Variants in VNN1 observed in about 807,000 individuals in gnomAD.
VNN1 encodes the protein pantetheinase.
VNN1 carries 29 observed loss-of-function variants against 41.9 expected under a neutral mutation model. The observed-to-expected ratio is 0.69, with a 90% CI of 0.52 to 0.94. The LOEUF (loss-of-function observed/expected upper bound fraction) is 0.94. Ranked by LOEUF, VNN1 falls within the 40% of genes least tolerant of loss-of-function variation. VNN1 has a pLI of 0.00. For missense variants in VNN1, 637 were observed against 621.1 expected (o/e 1.03, Z -0.27); for synonymous variants, 233 against 224.4 (o/e 1.04, Z -0.34).
At chr6:132,696,966 G>A (rs1048585337) in intron 2 of VNN1, among the ~76,000 whole-genome samples, 5 of 152,040 alleles carry the variant, frequency 3.3e-5, no homozygotes, top group Non-Finnish European at 7.4e-5. Flanking sequence ...TTAGCCAGGC[G>A]TGGTGGCAGG....
At chr6:132,702,013 A>G (rs1176019474) in intron 2 of VNN1, among the ~76,000 whole-genome samples, 2 of 152,242 alleles carry the variant, frequency 1.3e-5, no homozygotes, top group Non-Finnish European at 2.9e-5. Context: ...CCTGAGTTCT[A>G]CCAAGGATCA....
chr6:132,691,107 T>G (rs1318627250), intron 5 of VNN1, among the ~76,000 whole-genome samples: 1 of 152,208 alleles, frequency 6.6e-6, no homozygotes, highest in Non-Finnish European at 1.5e-5. Context: ...AGGATATTTG[T>G]AAGTAGAAGT....
At chr6:132,705,444 C>A (rs1778506075) in intron 2 of VNN1, among the ~76,000 whole-genome samples, 1 of 152,126 alleles carries the variant, frequency 6.6e-6, no homozygotes, top group Admixed American at 6.6e-5. Flanking sequence ...TCAATTGACA[C>A]TGAAAAAATA....
Position 132,693,073 on chromosome 6 carries a change from C to A in VNN1, c.777G>T (p.Arg259Ser). The A allele has an allele frequency of 6.2e-7, 1 of 1,613,540 alleles. No homozygotes were observed. Among genetic ancestry groups the A allele is most frequent in the Non-Finnish European group, 8.5e-7 (1 of 1,179,816 alleles). The change falls in exon 4 of 7, where the codon AGG (arginine) becomes AGT (serine). Residue 259 changes from arginine (R) to serine (S), a missense_variant. Coordinates refer to ENST00000367928, the MANE Select transcript of VNN1 (RefSeq NM_004666.3). ...GTATGTTGGATGCAAGGAAATTGAC[C>A]CTCATGCCCATAGCCCAAGCTGAGT... The part of the protein sequence containing the change: ...EFHSAWAMGM[R>S]VNFLASNIHY...
intron 1 of VNN1, among the ~76,000 whole-genome samples, chr6:132,712,630 C>T (rs1778620446): frequency 6.6e-6 from 1 of 152,042 alleles, no homozygotes; most frequent in Non-Finnish European, 1.5e-5. Flanking sequence ...CCTAGCTTTC[C>T]CCTGCAAACA....
chr6:132,687,353 T>C (rs960538319), intron 5 of VNN1, among the ~76,000 whole-genome samples: 3 of 152,290 alleles, frequency 2.0e-5, no homozygotes, highest in African/African-American at 7.2e-5. Flanking sequence ...TGCATCCCGA[T>C]CACTCTCTTT....
intron 5 of VNN1, 127 bp downstream of exon 5, chr6:132,692,096 T>A (rs1004496070): frequency 1.8e-6 from 2 of 1,101,058 alleles, no homozygotes; most frequent in Admixed American, 6.9e-5. Flanking sequence ...ACAAAATTTT[T>A]AGCATACATA....
intron 3 of VNN1, 118 bp downstream of exon 3, chr6:132,693,872 G>T: frequency 3.4e-6 from 4 of 1,185,490 alleles, no homozygotes; most frequent in African/African-American, 1.5e-5. Context: ...TACTTTCTAT[G>T]CTTTGCCCCT....
intron 2 of VNN1, among the ~76,000 whole-genome samples, chr6:132,694,700 A>G (rs75679759): frequency 1.6e-5 from 2 of 127,430 alleles, no homozygotes; most frequent in South Asian, 2.8e-4. Flanking sequence ...ACAAAAAATG[A>G]AAAAAAAAAA....
At chr6:132,703,150 A>G (rs182927075) in intron 2 of VNN1, among the ~76,000 whole-genome samples, 102 of 152,334 alleles carry the variant, frequency 6.7e-4, no homozygotes, top group African/African-American at 2.4e-3. Flanking sequence ...TTCTCTTATA[A>G]GAAATGCTAA....
At position 132,681,848 on chromosome 6, in the gene VNN1, G is replaced by A. The variant is rs557164732; in HGVS notation, c.*1292C>T. On this transcript the variant is annotated 3_prime_UTR_variant, in exon 7 of 7. Transcript: ENST00000367928. The stretch of plus-strand genomic sequence containing the variant: ...TAGGAAAAACATCTGCCACAAAAAT[G>A]TTTGTCTCAAAATGATGTTTTGCTG... 1 of 152,744 alleles carries A rather than the reference G, an allele frequency of 6.5e-6. No individual in the cohort carries two copies. The highest frequency in any genetic ancestry group is 2.1e-4 in the South Asian group (1 of 4,822). 9.5% of individuals were successfully genotyped at this position (152,744 alleles called of 1,614,324 possible).
intron 5 of VNN1, 29 bp downstream of exon 5, chr6:132,692,194 C>T: frequency 1.3e-6 from 2 of 1,511,600 alleles, no homozygotes; most frequent in East Asian, 2.3e-5. Flanking sequence ...TTATTTTATC[C>T]AGTAACTCTT....
Position 132,689,417 on chromosome 6 carries a change from A to C in VNN1, c.1188+2806T>G, listed in dbSNP as rs558638888. Reference sequence around the variant, plus strand: ...TCACTTCCCTTTGACTTTTCAACCCAATATAATCTGCCCATCATCCTATCA... The same window carrying C: ...TCACTTCCCTTTGACTTTTCAACCCCATATAATCTGCCCATCATCCTATCA... On this transcript the variant is annotated intron_variant, in intron 5 of 6. Coordinates refer to ENST00000367928, the MANE Select transcript of VNN1 (RefSeq NM_004666.3). Among the ~76,000 whole-genome samples, 54 of 152,254 alleles carry C rather than the reference A, an allele frequency of 3.5e-4. No homozygotes were observed. In the South Asian group the frequency reaches 0.011, roughly 31 times the overall value.
chr6:132,699,700 T>A (rs1778424682), intron 2 of VNN1: 1 of 154,026 alleles, frequency 6.5e-6, no homozygotes, highest in African/African-American at 2.4e-5. Context: ...TTATTCTCCA[T>A]ATACAGAAAA....
At chr6:132,694,426 C>A (rs946742301) in intron 2 of VNN1, among the ~76,000 whole-genome samples, 3 of 152,160 alleles carry the variant, frequency 2.0e-5, no homozygotes, top group African/African-American at 7.2e-5. Flanking sequence ...TTCTTCATAG[C>A]ATTTATCGTA....
chr6:132,700,989 A>C (rs1778441679), intron 2 of VNN1, among the ~76,000 whole-genome samples: 1 of 152,194 alleles, frequency 6.6e-6, no homozygotes, highest in Non-Finnish European at 1.5e-5. Flanking sequence ...ATGTTCTCAA[A>C]TTTAGGGAAA....
intron 5 of VNN1, among the ~76,000 whole-genome samples, chr6:132,690,756 CAA>C (rs138550534): frequency 0.028 from 4,232 of 152,230 alleles, 193 homozygotes; most frequent in African/African-American, 0.097. Flanking sequence ...ATAGAGCAAA[CAA>C]AATACTGTGC....
Position 132,693,172 on chromosome 6 carries a change from A to C in VNN1, c.678T>G (p.Asp226Glu). 1 of 1,614,156 alleles carries C rather than the reference A, an allele frequency of 6.2e-7. No individual in the cohort carries two copies. The highest frequency in any genetic ancestry group is 8.5e-7 in the Non-Finnish European group (1 of 1,180,014). Reference protein sequence around the residue: ...FHDPAVTLVKDFHVDTIVFPT... With the variant: ...FHDPAVTLVKEFHVDTIVFPT... ...GGAATACTATGGTGTCCACGTGGAA[A>C]TCTTTCACCAAGGTAACAGCAGGAT... Residue 226 changes from aspartate to glutamate, a missense_variant, in exon 4 of 7, where the codon GAT becomes GAG. By Grantham distance (45) the Asp-to-Glu change is conservative (BLOSUM62 2). Coordinates refer to ENST00000367928, the MANE Select transcript of VNN1 (RefSeq NM_004666.3).
chr6:132,686,611 C>T lies in VNN1; in HGVS notation c.1189-2106G>A, dbSNP rs190666878. On this transcript the variant is annotated intron_variant, in intron 5 of 6. Transcript: ENST00000367928. ...CAAAGACACTTACCTCCGATTTCCC[C>T]GCAGCAAAAGGTCCAGCTAGATCAT... Among the ~76,000 whole-genome samples the T allele has an allele frequency of 1.9e-3, 294 of 152,302 alleles. 1 individual carries two copies. The highest frequency in any genetic ancestry group is 2.1e-3 in the Non-Finnish European group (143 of 68,028).
Sources: allele counts gnomAD v4.1 joint callset (sites outside exome capture counted in the v4.1 genomes callset), GRCh38; gene constraint gnomAD v4.1.1; transcripts MANE v1.5; gene names NCBI Gene and HGNC (gene_info 2026-07-23, HGNC 2026-07-21).